The following TLL1 variants were observed in gnomAD, a reference collection of about 807,000 sequenced individuals.
TLL1 encodes the protein tolloid-like protein 1.
Under a neutral mutation model 128.2 loss-of-function variants are expected in TLL1, and 49 were observed. That is an observed-to-expected ratio of 0.38 (90% CI 0.30 to 0.48). TLL1 has a LOEUF of 0.48. TLL1 is among the 20% of genes least tolerant of loss of function. The probability of loss-of-function intolerance (pLI) is 0.96; values close to 1 mark genes in which losing one functional copy is unlikely to be tolerated. For synonymous variants in TLL1, 454 were observed against 418.8 expected, an observed-to-expected ratio of 1.08 and a Z score of -1.03; for missense variants, 1,123 against 1,242.0, an observed-to-expected ratio of 0.90 and a Z score of 1.44.
intron 1 of TLL1, among the ~76,000 whole-genome samples, chr4:165,988,989 C>G (rs1280619129): frequency 6.6e-6 from 1 of 151,990 alleles, no homozygotes; most frequent in Non-Finnish European, 1.5e-5. Flanking sequence ...ACTGCTTTTC[C>G]TTTTTCCTCT....
At chr4:165,908,637 G>A (rs1287359873) in intron 1 of TLL1, among the ~76,000 whole-genome samples, 4 of 151,520 alleles carry the variant, frequency 2.6e-5, no homozygotes, top group Non-Finnish European at 5.9e-5. Context: ...ATAGCAGTCT[G>A]CATGGAATTC....
At chr4:165,882,068 G>A (rs1238294553) in intron 1 of TLL1, among the ~76,000 whole-genome samples, 1 of 152,120 alleles carries the variant, frequency 6.6e-6, no homozygotes, top group East Asian at 1.9e-4. Flanking sequence ...GAATGCCTTT[G>A]AGAAAACAAA....
intron 1 of TLL1, among the ~76,000 whole-genome samples, chr4:165,937,081 T>C: frequency 6.6e-6 from 1 of 152,238 alleles, no homozygotes; most frequent in East Asian, 1.9e-4. Context: ...ATATGATTTA[T>C]AAAACTCAGG....
chr4:166,037,974 G>A (rs1417285330), intron 9 of TLL1, among the ~76,000 whole-genome samples: 1 of 152,052 alleles, frequency 6.6e-6, no homozygotes, highest in Non-Finnish European at 1.5e-5. Context: ...TTTCATCACT[G>A]ATCACTGTGG....
chr4:165,874,967 G>A (rs1337720546), intron 1 of TLL1: 2 of 152,382 alleles, frequency 1.3e-5, no homozygotes, highest in African/African-American at 4.8e-5. Context: ...CACTGGCCGC[G>A]GCTCGTGTCC....
chr4:166,028,204 A>C (rs139841593), intron 9 of TLL1, among the ~76,000 whole-genome samples: 1,669 of 152,180 alleles, frequency 0.011, 34 homozygotes, highest in African/African-American at 0.036. Flanking sequence ...CCCCTCAGAA[A>C]TACTTTACCT....
chr4:165,946,263 CTAAGCAATGAAAACAG>C, intron 1 of TLL1, among the ~76,000 whole-genome samples: 1 of 152,144 alleles, frequency 6.6e-6, no homozygotes, highest in Middle Eastern at 3.4e-3. Context: ...TTGTAAGACT[CTAAGCAATGAAAACAG>C]CTGAGCCAAG....
intron 1 of TLL1, among the ~76,000 whole-genome samples, chr4:165,989,098 C>T (rs140815649): frequency 5.3e-5 from 8 of 152,180 alleles, no homozygotes; most frequent in African/African-American, 1.7e-4. Context: ...TTGCCTATTT[C>T]TCTTTATTTA....
chr4:166,054,185 T>C (rs1739892337), intron 12 of TLL1, among the ~76,000 whole-genome samples: 1 of 122,888 alleles, frequency 8.1e-6, no homozygotes, highest in Non-Finnish European at 1.8e-5. Flanking sequence ...CCATATTTCC[T>C]TGGGAAAGGG....
intron 5 of TLL1, among the ~76,000 whole-genome samples, chr4:166,001,201 T>C (rs75092926): frequency 1.3e-5 from 2 of 152,206 alleles, no homozygotes; most frequent in Admixed American, 6.5e-5. Flanking sequence ...CGGTTGGCAA[T>C]GTCTGGTGCA....
chr4:165,893,887 A>G (rs1007408777), intron 1 of TLL1, among the ~76,000 whole-genome samples: 14 of 152,214 alleles, frequency 9.2e-5, no homozygotes, highest in African/African-American at 3.4e-4. Context: ...ACTGCTTCCT[A>G]GGATAAAACT....
intron 8 of TLL1, among the ~76,000 whole-genome samples, chr4:166,022,391 C>T (rs1025532822): frequency 1.9e-4 from 29 of 152,138 alleles, no homozygotes; most frequent in African/African-American, 6.5e-4. Flanking sequence ...TCTGGAACTC[C>T]TGACCTCAGG....
At chr4:166,048,025 T>C (rs1739537264) in intron 12 of TLL1, among the ~76,000 whole-genome samples, 1 of 151,644 alleles carries the variant, frequency 6.6e-6, no homozygotes, top group Non-Finnish European at 1.5e-5. Flanking sequence ...TCACCTGAGG[T>C]CAGGAGTTCA....
intron 1 of TLL1, among the ~76,000 whole-genome samples, chr4:165,978,866 A>G (rs1220537378): frequency 6.6e-6 from 1 of 152,088 alleles, no homozygotes; most frequent in Non-Finnish European, 1.5e-5. Flanking sequence ...GTCATCCTTT[A>G]TTTCCTTACT....
chr4:166,076,113 C>T (rs1269135863), intron 17 of TLL1, among the ~76,000 whole-genome samples: 1 of 151,934 alleles, frequency 6.6e-6, no homozygotes, highest in African/African-American at 2.4e-5. Context: ...GCCTCTGTCA[C>T]CGAGGCTGGA....
chr4:165,945,640 A>G (rs1442890664), intron 1 of TLL1, among the ~76,000 whole-genome samples: 1 of 152,212 alleles, frequency 6.6e-6, no homozygotes, highest in Non-Finnish European at 1.5e-5. Flanking sequence ...AAAAGATTAT[A>G]TAAAGAACTG....
At chr4:166,014,746 A>C (rs1309234342) in intron 8 of TLL1, among the ~76,000 whole-genome samples, 186 bp downstream of exon 8, 1 of 151,998 alleles carries the variant, frequency 6.6e-6, no homozygotes, top group Non-Finnish European at 1.5e-5. Flanking sequence ...GCTGTAAATA[A>C]AAACAAGTTG....
chr4:166,075,086 T>C (rs1740962073), intron 17 of TLL1, 83 bp downstream of exon 17: 2 of 1,573,956 alleles, frequency 1.3e-6, no homozygotes, highest in Non-Finnish European at 1.7e-6. Context: ...GTAGAGTTAA[T>C]CATTTCAATG....
intron 12 of TLL1, among the ~76,000 whole-genome samples, chr4:166,050,533 AATT>A (rs1739666937): frequency 6.6e-6 from 1 of 152,202 alleles, no homozygotes; most frequent in African/African-American, 2.4e-5. Flanking sequence ...TTTTACTAAA[AATT>A]ATTATCTAGA....
Sources: allele counts gnomAD v4.1 joint callset (sites outside exome capture counted in the v4.1 genomes callset), GRCh38; gene constraint gnomAD v4.1.1; transcripts MANE v1.5; gene names NCBI Gene and HGNC (gene_info 2026-07-23, HGNC 2026-07-21).